Variants in TYW1B observed in about 807,000 individuals in gnomAD.
TYW1B encodes S-adenosyl-L-methionine-dependent tRNA 4-demethylwyosine synthase TYW1B.
A neutral mutation model predicts 86.9 loss-of-function variants in TYW1B; 73 were observed. The ratio of observed to expected loss-of-function variants is 0.84; its 90% CI spans 0.70 to 1.02. TYW1B has a LOEUF of 1.02. Among genes scored for constraint, TYW1B ranks in the 50% least tolerant of loss-of-function variants. TYW1B has a pLI of 0.00. For synonymous variants in TYW1B, 248 were observed against 292.8 expected (o/e 0.85, Z 1.56); for missense variants, 637 against 827.4 (o/e 0.77, Z 2.82).
chr7:72,744,742 G>A (rs369747897), intron 7 of TYW1B, 141 bp from the exon 8 acceptor site: 6 of 967,456 alleles, frequency 6.2e-6, no homozygotes, highest in Admixed American at 4.3e-5. Flanking sequence ...CAGGAAATTC[G>A]CATCAGAGCA....
At chr7:72,797,955 T>C (rs1182683800) in intron 6 of TYW1B, among the ~76,000 whole-genome samples, 1 of 151,912 alleles carries the variant, frequency 6.6e-6, no homozygotes, top group Non-Finnish European at 1.5e-5. Flanking sequence ...CAGATCGATG[T>C]CAGAACATGC....
At chr7:72,596,252 T>C (rs1188915051) in intron 13 of TYW1B, among the ~76,000 whole-genome samples, 1 of 145,962 alleles carries the variant, frequency 6.9e-6, no homozygotes, top group Non-Finnish European at 1.5e-5. Context: ...ACAGTATCTA[T>C]CAAAATAACA....
chr7:72,703,006 ATATATATATATATATATATAT>A (rs1563064759), intron 10 of TYW1B, among the ~76,000 whole-genome samples: 3 of 24,026 alleles, frequency 1.2e-4, no homozygotes, highest in Non-Finnish European at 2.1e-4. Flanking sequence ...ATATATATAT[ATATATATATATATATATATAT>A]TTTTTTTTTT....
rs143212928 is a variant in TYW1B, at chr7:72,733,996, C to G, written c.1083-5065G>C. 1.7e-3 allele frequency among the ~76,000 whole-genome samples: 265 copies of G among 152,238 alleles called. 3 individuals carry two copies. The East Asian group carries it at 0.045, about 26-fold the overall frequency. Reference sequence around the variant, plus strand: ...TACTATAGCCAGATGCGGTGGCTCACACCTGTAATCCCAGCACTTTGGGAG... The same window carrying G: ...TACTATAGCCAGATGCGGTGGCTCAGACCTGTAATCCCAGCACTTTGGGAG... On this transcript the variant is annotated intron_variant, in intron 8 of 13. Transcript: ENST00000620995.
At chr7:72,605,637 C>T (rs1363798465) in intron 13 of TYW1B, among the ~76,000 whole-genome samples, 2 of 152,108 alleles carry the variant, frequency 1.3e-5, no homozygotes, top group East Asian at 1.9e-4. Flanking sequence ...CAGGTGTGAG[C>T]CACCGTGCCT....
At chr7:72,730,728 A>G (rs1787088504) in intron 8 of TYW1B, among the ~76,000 whole-genome samples, 1 of 151,702 alleles carries the variant, frequency 6.6e-6, no homozygotes, top group African/African-American at 2.4e-5. Context: ...GAGGCGTAGG[A>G]AAAAAAGCCT....
chr7:72,627,125 T>G (rs1369121796), intron 12 of TYW1B, among the ~76,000 whole-genome samples: 5 of 152,078 alleles, frequency 3.3e-5, no homozygotes, highest in Non-Finnish European at 7.3e-5. Flanking sequence ...CCCAGGTTTC[T>G]GCTTACCATT....
chr7:72,759,147 A>G (rs1171627642), intron 7 of TYW1B, among the ~76,000 whole-genome samples: 3 of 152,174 alleles, frequency 2.0e-5, no homozygotes, highest in African/African-American at 4.8e-5. Flanking sequence ...CCTGAGCAAC[A>G]TGGCGAAACC....
chr7:72,661,291 A>G (rs1892748), intron 11 of TYW1B, among the ~76,000 whole-genome samples: 60,442 of 110,750 alleles, frequency 0.55, 13,267 homozygotes, highest in East Asian at 0.65. Flanking sequence ...AATAGGATAC[A>G]TTAAATGGAT....
At chr7:72,630,140 G>T (rs188717005) in intron 11 of TYW1B, among the ~76,000 whole-genome samples, 4 of 152,050 alleles carry the variant, frequency 2.6e-5, no homozygotes, top group Admixed American at 2.6e-4. Context: ...TGAGCCAGGC[G>T]TGGCGGCGTG....
intron 11 of TYW1B, among the ~76,000 whole-genome samples, chr7:72,652,850 A>C (rs1370878092): frequency 1.4e-4 from 22 of 152,208 alleles, no homozygotes; most frequent in African/African-American, 5.3e-4. Flanking sequence ...AATATCTGTT[A>C]AACTTTACAA....
At chr7:72,744,228 A>T (rs1281554415) in intron 8 of TYW1B, among the ~76,000 whole-genome samples, 1 of 152,226 alleles carries the variant, frequency 6.6e-6, no homozygotes, top group Non-Finnish European at 1.5e-5. Context: ...CACTATAAAT[A>T]AGACAAACTA....
chr7:72,577,832 T>G (rs1811060527), intron 13 of TYW1B, among the ~76,000 whole-genome samples: 1 of 152,240 alleles, frequency 6.6e-6, no homozygotes, highest in African/African-American at 2.4e-5. Context: ...ACGCCCAAGC[T>G]GTTCCCTCTG....
At chr7:72,584,460 ATT>A (rs34009372) in intron 13 of TYW1B, among the ~76,000 whole-genome samples, 2 of 142,632 alleles carry the variant, frequency 1.4e-5, no homozygotes. Context: ...GTATATTCCA[ATT>A]TTTTTTTTTT....
intron 10 of TYW1B, among the ~76,000 whole-genome samples, chr7:72,707,901 C>G (rs150760210): frequency 1.3e-5 from 2 of 152,186 alleles, no homozygotes; most frequent in Admixed American, 6.5e-5. Flanking sequence ...TAAGTTCTCA[C>G]GAGATGTGGT....
At chr7:72,768,259 A>T (rs76875554) in intron 7 of TYW1B, among the ~76,000 whole-genome samples, 2,533 of 152,036 alleles carry the variant, frequency 0.017, 73 homozygotes, top group African/African-American at 0.057. Flanking sequence ...AAAAAATTTT[A>T]AAAAATGGCT....
At position 72,688,610 on chromosome 7, in the gene TYW1B, G is replaced by A. The variant is rs151278622; in HGVS notation, c.1506+6077C>T. On this transcript the variant is annotated intron_variant, in intron 11 of 13. Coordinates refer to ENST00000620995, the MANE Select transcript of TYW1B (RefSeq NM_001145440.3). ...TGAAAGCTTCAACACTTTTGTTCCC[G>A]CAGGCTCCCTCTTTGCCTTCTTTAG... is the stretch of plus-strand genomic sequence containing the variant. 2.4e-3 allele frequency among the ~76,000 whole-genome samples: 365 copies of A among 152,198 alleles called. 2 individuals carry two copies. The highest frequency in any genetic ancestry group is 7.4e-3 in the African/African-American group (307 of 41,524).
intron 8 of TYW1B, among the ~76,000 whole-genome samples, chr7:72,736,988 A>C (rs1176210248): frequency 6.6e-6 from 1 of 152,184 alleles, no homozygotes; most frequent in Non-Finnish European, 1.5e-5. Flanking sequence ...AGATCACACC[A>C]CTGCGCTCCA....
intron 9 of TYW1B, among the ~76,000 whole-genome samples, chr7:72,719,512 T>A (rs1786852792): frequency 6.6e-6 from 1 of 150,602 alleles, no homozygotes; most frequent in Admixed American, 6.7e-5. Context: ...GTGCCTGTAA[T>A]CCTAGCTATT....
Sources: gnomAD v4.1 joint callset for allele counts (sites outside exome capture counted in the v4.1 genomes callset) on GRCh38, gnomAD v4.1.1 for gene constraint, MANE v1.5 for transcripts, NCBI Gene and HGNC (gene_info 2026-07-23, HGNC 2026-07-21) for gene names.